CENPP: variants seen among roughly 807,000 people sequenced by gnomAD.
CENPP encodes the protein centromere protein P.
A neutral mutation model predicts 35.6 loss-of-function variants in CENPP; 24 were observed. That is an observed-to-expected ratio of 0.67 (90% CI 0.49 to 0.95). CENPP has a LOEUF of 0.95. CENPP is among the 40% of genes least tolerant of loss of function. The pLI is 0.00. For missense variants in CENPP, 332 were observed against 345.3 expected, an observed-to-expected ratio of 0.96 and a Z score of 0.31; for synonymous variants, 120 against 125.5, an observed-to-expected ratio of 0.96 and a Z score of 0.29.
At chr9:92,355,661 G>A (rs1003887494) in intron 4 of CENPP, among the ~76,000 whole-genome samples, 9 of 152,008 alleles carry the variant, frequency 5.9e-5, no homozygotes, top group African/African-American at 2.2e-4. Flanking sequence ...ATTTTACACT[G>A]GAGACCTAAA....
chr9:92,405,946 T>C (rs74851495), intron 5 of CENPP, among the ~76,000 whole-genome samples: 3,596 of 152,254 alleles, frequency 0.024, 92 homozygotes, highest in South Asian at 0.13. Flanking sequence ...TCAAGGAAGA[T>C]TTATAGCCTC....
chr9:92,445,587 A>G (rs1844531957), intron 5 of CENPP, among the ~76,000 whole-genome samples: 1 of 152,176 alleles, frequency 6.6e-6, no homozygotes, highest in South Asian at 2.1e-4. Context: ...ATTGTACCTC[A>G]ATAAAGCTGT....
At chr9:92,568,630 T>C (rs1241115788) in intron 5 of CENPP, among the ~76,000 whole-genome samples, 1 of 152,198 alleles carries the variant, frequency 6.6e-6, no homozygotes, top group Admixed American at 6.5e-5. Context: ...CAAATGGTAT[T>C]TCTAGTTCTA....
At chr9:92,360,247 T>C (rs1056572455) in intron 4 of CENPP, among the ~76,000 whole-genome samples, 1 of 152,230 alleles carries the variant, frequency 6.6e-6, no homozygotes, top group African/African-American at 2.4e-5. Context: ...TTTGATACTT[T>C]ACCACTGCAG....
intron 5 of CENPP, among the ~76,000 whole-genome samples, chr9:92,508,945 T>C (rs1160142754): frequency 2.6e-5 from 4 of 151,880 alleles, no homozygotes; most frequent in African/African-American, 9.7e-5. Flanking sequence ...ATTAGGAAGA[T>C]AAAAAGAAAA....
intron 5 of CENPP, chr9:92,517,721 A>C (rs1370083515): frequency 6.2e-7 from 1 of 1,614,070 alleles, no homozygotes; most frequent in East Asian, 2.2e-5. Flanking sequence ...ATTCCCCTTC[A>C]GGTATAACTG....
chr9:92,453,280 A>G lies in CENPP; in HGVS notation c.564+73421A>G, dbSNP rs528501775. Among the ~76,000 whole-genome samples, 282 of 152,270 alleles carry G rather than the reference A, an allele frequency of 1.9e-3. 2 individuals carry two copies. The highest frequency in any genetic ancestry group is 2.7e-3 in the Admixed American group (42 of 15,292). ...CTACACACTGCTTTGAATGTGTCCC[A>G]GGGATTCTGGTATGTTGTGTCTTTG... On this transcript the variant is annotated intron_variant, in intron 5 of 7. Coordinates refer to ENST00000375587, the MANE Select transcript of CENPP (RefSeq NM_001012267.3).
intron 5 of CENPP, chr9:92,460,717 C>A: frequency 1.7e-6 from 1 of 577,238 alleles, no homozygotes. Flanking sequence ...ACTCTTGTTG[C>A]CCAGACTGGA....
intron 5 of CENPP, among the ~76,000 whole-genome samples, chr9:92,488,720 T>C (rs2131117124): frequency 6.6e-6 from 1 of 152,326 alleles, no homozygotes; most frequent in East Asian, 1.9e-4. Flanking sequence ...TTCAGCAGAT[T>C]ACAACTTATA....
In CENPP at chr9:92,480,731, C is replaced by G. The variant is rs1051436664; in HGVS notation, c.564+100872C>G. 9.2e-5 allele frequency among the ~76,000 whole-genome samples: 14 copies of G among 152,126 alleles called. No homozygotes were observed. The South Asian group carries it at 2.5e-3, about 27-fold the overall frequency. ...TAAAGGCCCGCTTGGCAACTTTTCC[C>G]CTGGGTTTAAACATGCCTATCAGTT... On this transcript the variant is annotated intron_variant, in intron 5 of 7. Coordinates refer to ENST00000375587, the MANE Select transcript of CENPP (RefSeq NM_001012267.3).
chr9:92,459,712 G>C, intron 5 of CENPP: 1 of 1,613,064 alleles, frequency 6.2e-7, no homozygotes, highest in South Asian at 1.1e-5. Flanking sequence ...CTCACACGTG[G>C]TATGTTAGCA....
At chr9:92,543,170 C>T (rs2131311829) in intron 5 of CENPP, among the ~76,000 whole-genome samples, 1 of 152,150 alleles carries the variant, frequency 6.6e-6, no homozygotes, top group African/African-American at 2.4e-5. Flanking sequence ...ACTTTGTTTT[C>T]TTTGATCAAG....
At chr9:92,581,051 C>T (rs549362406) in intron 5 of CENPP, among the ~76,000 whole-genome samples, 8 of 152,174 alleles carry the variant, frequency 5.3e-5, no homozygotes, top group Middle Eastern at 3.4e-3. Context: ...GCCTTCATTT[C>T]GTTATGTACC....
chr9:92,474,757 A>G (rs147354437), intron 5 of CENPP: 6 of 1,610,486 alleles, frequency 3.7e-6, no homozygotes, highest in South Asian at 1.1e-5. Flanking sequence ...CATCATCATC[A>G]TCATCATCAT....
intron 5 of CENPP, among the ~76,000 whole-genome samples, chr9:92,537,679 A>C (rs1024931764): frequency 3.9e-5 from 6 of 152,202 alleles, no homozygotes; most frequent in African/African-American, 1.4e-4. Flanking sequence ...AAGAAAAGAA[A>C]AGAAAAAGAT....
chr9:92,568,932 G>C (rs1850064850), intron 5 of CENPP, among the ~76,000 whole-genome samples: 1 of 152,088 alleles, frequency 6.6e-6, no homozygotes, highest in African/African-American at 2.4e-5. Context: ...TGATGGGGTT[G>C]TTTTTTTCTT....
At chr9:92,437,103 G>A (rs1445311431) in intron 5 of CENPP, among the ~76,000 whole-genome samples, 1 of 152,164 alleles carries the variant, frequency 6.6e-6, no homozygotes, top group Admixed American at 6.5e-5. Flanking sequence ...TTAGGAGGCT[G>A]TGGCAGGAGA....
intron 5 of CENPP, chr9:92,600,632 G>C: frequency 6.7e-7 from 1 of 1,497,776 alleles, no homozygotes; most frequent in Non-Finnish European, 9.0e-7. Context: ...TCATGCCCTG[G>C]TCGGCCATCC....
intron 5 of CENPP, among the ~76,000 whole-genome samples, chr9:92,392,392 G>A (rs948563155): frequency 1.3e-4 from 20 of 152,144 alleles, no homozygotes; most frequent in African/African-American, 4.8e-4. Context: ...GGGAGGCCGA[G>A]GCGGGCGGAT....
Sources: gnomAD v4.1 joint callset for allele counts (sites outside exome capture counted in the v4.1 genomes callset) on GRCh38, gnomAD v4.1.1 for gene constraint, MANE v1.5 for transcripts, NCBI Gene and HGNC (gene_info 2026-07-23, HGNC 2026-07-21) for gene names.